ABCB1: variants seen among roughly 807,000 people sequenced by gnomAD.
ABCB1 encodes the protein ATP-dependent translocase ABCB1.
ABCB1 carries 69 observed loss-of-function variants against 142.0 expected under a neutral mutation model. That is an observed-to-expected ratio of 0.49 (90% CI 0.40 to 0.59). The LOEUF (loss-of-function observed/expected upper bound fraction) is 0.59, where lower values mean the gene tolerates loss of function less well. Ranked by LOEUF, ABCB1 falls within the 20% of genes least tolerant of loss-of-function variation. ABCB1 has a pLI of 0.00. For missense variants in ABCB1, 1,326 were observed against 1,554.7 expected (o/e 0.85, Z 2.47); for synonymous variants, 532 against 539.2 (o/e 0.99, Z 0.18).
At chr7:87,554,211 C>T (rs1318010918) in intron 8 of ABCB1, among the ~76,000 whole-genome samples, 1 of 152,014 alleles carries the variant, frequency 6.6e-6, no homozygotes, top group African/African-American at 2.4e-5. Context: ...ATTTAGCAAA[C>T]TTCTAAAACT....
intron 1 of ABCB1, among the ~76,000 whole-genome samples, chr7:87,712,720 A>G (rs1179445067): frequency 6.6e-6 from 1 of 152,076 alleles, no homozygotes; most frequent in Non-Finnish European, 1.5e-5. Context: ...GAAATGATTC[A>G]GCTCTAAAAA....
chr7:87,578,692 CTTT>C (rs35471539), intron 4 of ABCB1, among the ~76,000 whole-genome samples: 7 of 102,644 alleles, frequency 6.8e-5, no homozygotes, highest in Non-Finnish European at 9.7e-5. Flanking sequence ...AGACTACTTT[CTTT>C]TTTTTTTTTT....
intron 1 of ABCB1, among the ~76,000 whole-genome samples, chr7:87,632,403 A>T (rs1821312503): frequency 6.6e-6 from 1 of 152,180 alleles, no homozygotes; most frequent in Non-Finnish European, 1.5e-5. Flanking sequence ...AGTTTTTTTT[A>T]GTGAACATTT....
chr7:87,636,804 A>G (rs1179570869), intron 1 of ABCB1, among the ~76,000 whole-genome samples: 1 of 152,178 alleles, frequency 6.6e-6, no homozygotes, highest in African/African-American at 2.4e-5. Flanking sequence ...AGACCATTGT[A>G]TTAGTCTGTT....
intron 1 of ABCB1, among the ~76,000 whole-genome samples, chr7:87,666,204 CATT>C (rs1376722067): frequency 6.6e-6 from 1 of 152,136 alleles, no homozygotes; most frequent in African/African-American, 2.4e-5. Flanking sequence ...GATGGTATCT[CATT>C]GTGGTTTTGA....
intron 14 of ABCB1, among the ~76,000 whole-genome samples, chr7:87,548,299 GGAAAGGAAA>G (rs1166630017): frequency 1.3e-5 from 2 of 148,794 alleles, no homozygotes; most frequent in African/African-American, 5.0e-5. Flanking sequence ...GGTCAGGAAA[GGAAAGGAAA>G]GAAAGGAAAG....
chr7:87,687,093 A>G (rs779258160), intron 1 of ABCB1, among the ~76,000 whole-genome samples: 1 of 152,232 alleles, frequency 6.6e-6, no homozygotes, highest in African/African-American at 2.4e-5. Context: ...TCTGCTAATT[A>G]TACTTATTAA....
intron 1 of ABCB1, among the ~76,000 whole-genome samples, chr7:87,656,370 T>C (rs1474990859): frequency 6.6e-6 from 1 of 151,992 alleles, no homozygotes; most frequent in African/African-American, 2.4e-5. Flanking sequence ...TATGCATTAG[T>C]AGTATTAAGA....
At chr7:87,596,897 A>C (rs1377248356) in intron 2 of ABCB1, among the ~76,000 whole-genome samples, 1 of 152,096 alleles carries the variant, frequency 6.6e-6, no homozygotes, top group African/African-American at 2.4e-5. Context: ...GGAGAAAAAT[A>C]GCCATAAATA....
intron 1 of ABCB1, among the ~76,000 whole-genome samples, chr7:87,626,906 G>C (rs1426092501): frequency 1.3e-5 from 2 of 151,932 alleles, no homozygotes; most frequent in Non-Finnish European, 2.9e-5. Flanking sequence ...CTACCGAGTA[G>C]CTGCCACTAC....
intron 1 of ABCB1, among the ~76,000 whole-genome samples, chr7:87,653,517 T>C (rs979754587): frequency 6.6e-6 from 1 of 152,106 alleles, no homozygotes; most frequent in Admixed American, 6.6e-5. Flanking sequence ...GGGGGACATA[T>C]AGTCTTTGCC....
rs370309873 is a variant in ABCB1, at chr7:87,513,735, G to C, written c.3282+1496C>G. Among the ~76,000 whole-genome samples the C allele has an allele frequency of 1.4e-4, 22 of 152,240 alleles. No individual in the cohort carries two copies. In the East Asian group the frequency reaches 3.3e-3, roughly 23 times the overall value. ...GCAAATCCTTATCTCTTAAGAACTAGCTCTAGGCCTATCTCCTTTAACTCA... is the reference window on the plus strand; with the variant it reads ...GCAAATCCTTATCTCTTAAGAACTACCTCTAGGCCTATCTCCTTTAACTCA... On this transcript the variant is annotated intron_variant, in intron 25 of 27. Coordinates refer to ENST00000622132, the MANE Select transcript of ABCB1 (RefSeq NM_001348946.2).
chr7:87,626,180 T>TATATATGTGTCATATATATGTC (rs1820476766), intron 1 of ABCB1, among the ~76,000 whole-genome samples: 1 of 132,894 alleles, frequency 7.5e-6, no homozygotes, highest in African/African-American at 2.8e-5. Flanking sequence ...TATATTGTCA[T>TATATATGTGTCATATATATGTC]ATATATGTGT....
Position 87,650,888 on chromosome 7 carries a change from T to C in ABCB1, c.-330-49810A>G, listed in dbSNP as rs755856161. The stretch of plus-strand genomic sequence containing the variant: ...CAATTGATGATTCTTCTCCTGAATT[T>C]AACAATTTTGCAGCTATTTTGGAAC... On this transcript the variant is annotated intron_variant, in intron 1 of 28. Coordinates refer to the ABCB1 transcript ENST00000265724. The C allele has an allele frequency of 3.1e-6, 5 of 1,613,070 alleles. No individual in the cohort carries two copies. In the East Asian group the frequency reaches 1.1e-4, roughly 36 times the overall value.
intron 1 of ABCB1, among the ~76,000 whole-genome samples, chr7:87,711,110 TGAG>T (rs1830040162): frequency 6.6e-6 from 1 of 152,078 alleles, no homozygotes; most frequent in Non-Finnish European, 1.5e-5. Flanking sequence ...GCAGATCACC[TGAG>T]GTCTGGAGTT....
At chr7:87,545,133 T>C (rs1816717243) in intron 15 of ABCB1, 134 bp from the exon 16 acceptor site, 2 of 798,420 alleles carry the variant, frequency 2.5e-6, no homozygotes, top group Admixed American at 2.1e-5. Context: ...GCTAATCTGC[T>C]GTGTTGTTTT....
intron 3 of ABCB1, among the ~76,000 whole-genome samples, chr7:87,587,739 G>C (rs1043034517): frequency 1.2e-4 from 19 of 152,006 alleles, no homozygotes; most frequent in Non-Finnish European, 1.3e-4. Flanking sequence ...GCCGGATGTG[G>C]TGGCAGGCGC....
intron 3 of ABCB1, among the ~76,000 whole-genome samples, chr7:87,586,950 C>G (rs1214026304): frequency 6.6e-6 from 1 of 152,110 alleles, no homozygotes; most frequent in Non-Finnish European, 1.5e-5. Flanking sequence ...TTTTCTAGCT[C>G]TTAAATGTGT....
At chr7:87,661,136 G>A (rs1456244294) in intron 1 of ABCB1, among the ~76,000 whole-genome samples, 1 of 151,088 alleles carries the variant, frequency 6.6e-6, no homozygotes, top group African/African-American at 2.4e-5. Context: ...TAATTTTATG[G>A]GTACATAGTA....
Sources: gnomAD v4.1 joint callset for allele counts (sites outside exome capture counted in the v4.1 genomes callset) on GRCh38, gnomAD v4.1.1 for gene constraint, MANE v1.5 for transcripts, NCBI Gene and HGNC (gene_info 2026-07-23, HGNC 2026-07-21) for gene names.